The following MEGF6 variants were observed in gnomAD, a reference collection of about 807,000 sequenced individuals.
MEGF6 encodes the protein multiple EGF like domains 6.
A neutral mutation model predicts 207.1 loss-of-function variants in MEGF6; 184 were observed. The observed-to-expected ratio is 0.89, with a 90% CI of 0.79 to 1.00. The LOEUF (loss-of-function observed/expected upper bound fraction) is 1.00, where lower values mean the gene tolerates loss of function less well. Ranked by LOEUF, MEGF6 falls within the 50% of genes least tolerant of loss-of-function variation. MEGF6 has a pLI of 0.00. For missense variants in MEGF6, 2,282 were observed against 2,202.9 expected, an observed-to-expected ratio of 1.04 and a Z score of -0.72; for synonymous variants, 1,038 against 910.0, an observed-to-expected ratio of 1.14 and a Z score of -2.53.
intron 3 of MEGF6, among the ~76,000 whole-genome samples, chr1:3,586,603 AAGGG>A (rs1643897414): frequency 6.6e-6 from 1 of 152,132 alleles, no homozygotes; most frequent in Non-Finnish European, 1.5e-5. Flanking sequence ...CATGGAGGAA[AAGGG>A]AGCCCAGAGC....
At chr1:3,528,675 G>C (rs887949912) in intron 4 of MEGF6, among the ~76,000 whole-genome samples, 103 of 152,248 alleles carry the variant, frequency 6.8e-4, no homozygotes, top group African/African-American at 1.9e-3. Context: ...GCAGAGGTCG[G>C]AGGGAGGCAG....
intron 14 of MEGF6, among the ~76,000 whole-genome samples, chr1:3,506,865 C>T (rs1317312259): frequency 6.6e-6 from 1 of 152,216 alleles, no homozygotes; most frequent in Non-Finnish European, 1.5e-5. Flanking sequence ...GCCCTGAATC[C>T]AAAGACAAAC....
At chr1:3,510,755 A>G (rs764344063) in intron 10 of MEGF6, 28 bp downstream of exon 10, 1 of 1,582,226 alleles carries the variant, frequency 6.3e-7, no homozygotes, top group South Asian at 1.1e-5. Flanking sequence ...AGGCCACCCC[A>G]GCTGTGCAGT....
At chr1:3,511,725 G>T (rs116920219) in intron 8 of MEGF6, 38 bp from the exon 9 acceptor site, 3 of 1,582,392 alleles carry the variant, frequency 1.9e-6, no homozygotes, top group Non-Finnish European at 2.6e-6. Flanking sequence ...TGGGATGGCG[G>T]CTAGGATGAC....
chr1:3,570,535 C>G (rs966382478), intron 4 of MEGF6, among the ~76,000 whole-genome samples: 1 of 152,262 alleles, frequency 6.6e-6, no homozygotes, highest in African/African-American at 2.4e-5. Flanking sequence ...GGCAGCCAGA[C>G]AGGGTGAGAG....
intron 4 of MEGF6, among the ~76,000 whole-genome samples, chr1:3,545,519 T>A (rs878951514): frequency 2.0e-5 from 3 of 151,914 alleles, no homozygotes; most frequent in Non-Finnish European, 4.4e-5. Flanking sequence ...TGGACAAGGG[T>A]GGGGGCCCTG....
chr1:3,488,940 G>T lies in MEGF6; in HGVS notation c.*1588C>A, dbSNP rs1390670913. 6.6e-6 allele frequency among the ~76,000 whole-genome samples: 1 copy of T among 152,198 alleles called. No individual in the cohort carries two copies. The highest frequency in any genetic ancestry group is 2.4e-5 in the African/African-American group (1 of 41,442). ...TTGTATTTTGCAGTTAGATGGATGT[G>T]AATGAACACCTCCCTTACCCATTTC... On this transcript the variant is annotated 3_prime_UTR_variant, in exon 37 of 37. Coordinates refer to ENST00000356575, the MANE Select transcript of MEGF6 (RefSeq NM_001409.4).
chr1:3,500,180 C>T (rs1406726800), intron 21 of MEGF6, among the ~76,000 whole-genome samples: 1 of 152,228 alleles, frequency 6.6e-6, no homozygotes, highest in Admixed American at 6.5e-5. Flanking sequence ...GACGCCCAAC[C>T]CAGGCCTCCC....
intron 10 of MEGF6, 78 bp downstream of exon 10, chr1:3,510,705 G>A: frequency 6.6e-7 from 1 of 1,511,748 alleles, no homozygotes; most frequent in Non-Finnish European, 8.9e-7. Flanking sequence ...GGGGGTACCA[G>A]AGCCAGCCCC....
chr1:3,507,099 T>C (rs72852494), intron 14 of MEGF6, among the ~76,000 whole-genome samples: 10,317 of 152,234 alleles, frequency 0.068, 1,197 homozygotes, highest in African/African-American at 0.24. Flanking sequence ...AAGCCCTGTG[T>C]GGCTGCCTGG....
At chr1:3,525,606 C>T (rs1201479546) in intron 4 of MEGF6, among the ~76,000 whole-genome samples, 1 of 152,228 alleles carries the variant, frequency 6.6e-6, no homozygotes, top group African/African-American at 2.4e-5. Context: ...CTACCTGCTC[C>T]TGTCCCCAGC....
At chr1:3,554,660 G>A (rs1483415379) in intron 4 of MEGF6, among the ~76,000 whole-genome samples, 5 of 152,170 alleles carry the variant, frequency 3.3e-5, no homozygotes, top group Admixed American at 3.3e-4. Flanking sequence ...CCCACAACTG[G>A]ATCCTCTCAC....
chr1:3,538,502 G>A (rs1316338391), intron 4 of MEGF6, among the ~76,000 whole-genome samples: 1 of 152,222 alleles, frequency 6.6e-6, no homozygotes, highest in Non-Finnish European at 1.5e-5. Context: ...GACTGCAGCT[G>A]TCCCTGGCTG....
At chr1:3,553,964 GT>G (rs1038667926) in intron 4 of MEGF6, among the ~76,000 whole-genome samples, 5 of 152,350 alleles carry the variant, frequency 3.3e-5, no homozygotes, top group Non-Finnish European at 7.3e-5. Context: ...CCCCAGGAAT[GT>G]TCTGCCTGGA....
rs1246363102 is a variant in MEGF6 at position 3,501,256 on chromosome 1, G to A, written c.2367C>T (p.Cys789=). The A allele has an allele frequency of 1.4e-5, 23 of 1,608,630 alleles. No homozygotes were observed. The highest frequency in any genetic ancestry group is 2.0e-5 in the Non-Finnish European group (23 of 1,178,330). ...CAGGGTCGCAGCGGGCAGCGTGCTG[G>A]CATGCTGGGCAGATCTCCTGGCAGC... ...GLGCQEICPA[C]QHAARCDPET... Residue 789 remains cysteine (C), a synonymous_variant, in exon 19 of 37, where the codon TGC becomes TGT. Coordinates refer to ENST00000356575, the MANE Select transcript of MEGF6 (RefSeq NM_001409.4).
intron 14 of MEGF6, among the ~76,000 whole-genome samples, chr1:3,506,913 AGAG>A (rs2101007837): frequency 6.6e-6 from 1 of 152,378 alleles, no homozygotes; most frequent in African/African-American, 2.4e-5. Flanking sequence ...CGAGACAGAA[AGAG>A]GAGGCCTGGA....
At position 3,497,135 on chromosome 1, in the gene MEGF6, C is replaced by A; in HGVS notation, c.3482-16G>T. 6.4e-7 allele frequency: 1 copy of A among 1,567,032 alleles called. No individual in the cohort carries two copies. The highest frequency in any genetic ancestry group is 8.7e-7 in the Non-Finnish European group (1 of 1,154,164). On this transcript the variant is annotated splice_polypyrimidine_tract_variant and intron_variant, in intron 27 of 36. Coordinates refer to ENST00000356575, the MANE Select transcript of MEGF6 (RefSeq NM_001409.4). ...GGTGGGCAGGCTGGGTGGAGACAGG[C>A]AGGGTCGGTCCTGGCCCAGCCCCGC... is the stretch of plus-strand genomic sequence containing the variant.
rs1437893748 is a variant in MEGF6 at position 3,573,645 on chromosome 1, A to G, written c.481+6180T>C. 2.6e-5 allele frequency among the ~76,000 whole-genome samples: 4 copies of G among 152,114 alleles called. No individual in the cohort carries two copies. Among genetic ancestry groups the G allele is most frequent in the Admixed American group, 2.0e-4 (3 of 15,286 alleles). On this transcript the variant is annotated intron_variant, in intron 4 of 36. Coordinates refer to ENST00000356575, the MANE Select transcript of MEGF6 (RefSeq NM_001409.4). The surrounding 1 kb of genome is among the most constrained non-coding windows in gnomAD (Gnocchi z 5.1). ...GTGCACAACATGGAGAGAGGCTGTG[A>G]AAAGAACATCCCTGCCCCAGAGCCC...
intron 4 of MEGF6, chr1:3,531,146 TC>T (rs1642149320): frequency 6.5e-7 from 1 of 1,528,142 alleles, no homozygotes; most frequent in Non-Finnish European, 8.8e-7. Flanking sequence ...TAGCAGCCCC[TC>T]CAGAGGTAGC....
Sources: gnomAD v4.1 joint callset for allele counts (sites outside exome capture counted in the v4.1 genomes callset) on GRCh38, gnomAD v4.1.1 for gene constraint, Gnocchi (gnomAD v3.1) non-coding constraint, MANE v1.5 for transcripts, NCBI Gene and HGNC (gene_info 2026-07-23, HGNC 2026-07-21) for gene names.